Variants in LOC128462377 observed in about 807,000 individuals in gnomAD.
chr16:89,333,687 A>T, the LOC128462377 span, among the ~76,000 whole-genome samples: 1 of 152,154 alleles, frequency 6.6e-6, no homozygotes, highest in African/African-American at 2.4e-5. Context: ...GCCTTGTAAT[A>T]GTCTGTCGTC....
At chr16:89,408,213 TGA>T in the LOC128462377 span, among the ~76,000 whole-genome samples, 2 of 152,214 alleles carry the variant, frequency 1.3e-5, no homozygotes, top group Non-Finnish European at 2.9e-5. Context: ...AGAAACTCCC[TGA>T]GAGAGCTCAC....
the LOC128462377 span, among the ~76,000 whole-genome samples, chr16:89,356,537 C>G: frequency 2.0e-5 from 3 of 150,484 alleles, no homozygotes; most frequent in Non-Finnish European, 4.4e-5. Context: ...TTTGGGAGGC[C>G]GAGGCGGGCG....
the LOC128462377 span, among the ~76,000 whole-genome samples, chr16:89,333,322 C>A: frequency 6.6e-6 from 1 of 152,202 alleles, no homozygotes; most frequent in Admixed American, 6.5e-5. Context: ...GCTCAGCATC[C>A]CCACGAGAGT....
At chr16:89,386,703 A>C in the LOC128462377 span, among the ~76,000 whole-genome samples, 1 of 152,248 alleles carries the variant, frequency 6.6e-6, no homozygotes, top group South Asian at 2.1e-4. Flanking sequence ...AGACACGCTT[A>C]TAAGCTACTC....
the LOC128462377 span, among the ~76,000 whole-genome samples, chr16:89,408,911 G>A: frequency 6.6e-6 from 1 of 152,208 alleles, no homozygotes; most frequent in African/African-American, 2.4e-5. Context: ...ACAGACCTTA[G>A]GAGTTACTGG....
chr16:89,319,531 TG>T, the LOC128462377 span, among the ~76,000 whole-genome samples: 2 of 152,340 alleles, frequency 1.3e-5, no homozygotes, highest in South Asian at 4.1e-4. Flanking sequence ...ATCCAGGCCG[TG>T]GCCCTTCCAG....
At chr16:89,408,208 C>T in the LOC128462377 span, among the ~76,000 whole-genome samples, 3 of 152,210 alleles carry the variant, frequency 2.0e-5, no homozygotes, top group African/African-American at 7.2e-5. Context: ...GGCCAAGAAA[C>T]TCCCTGAGAG....
At chr16:89,383,761 G>A in the LOC128462377 span, among the ~76,000 whole-genome samples, 9 of 152,064 alleles carry the variant, frequency 5.9e-5, no homozygotes, top group Admixed American at 1.3e-4. Context: ...AGCAGCAGAC[G>A]GAAAGCCAAG....
chr16:89,348,414 A>C, the LOC128462377 span, among the ~76,000 whole-genome samples: 1 of 152,164 alleles, frequency 6.6e-6, no homozygotes, highest in Non-Finnish European at 1.5e-5. Flanking sequence ...AATTTACATC[A>C]GTATTAATGT....
At chr16:89,341,413 G>A in the LOC128462377 span, among the ~76,000 whole-genome samples, 3 of 152,322 alleles carry the variant, frequency 2.0e-5, no homozygotes, top group East Asian at 3.9e-4. Context: ...AGGCCCCAAC[G>A]TGAACAGACC....
chr16:89,380,931 A>G, the LOC128462377 span, among the ~76,000 whole-genome samples: 19 of 152,174 alleles, frequency 1.2e-4, no homozygotes, highest in Middle Eastern at 3.2e-3. Flanking sequence ...CGGAGCACGC[A>G]TCCCTGCTTC....
chr16:89,320,577 G>A, the LOC128462377 span, among the ~76,000 whole-genome samples: 30 of 152,282 alleles, frequency 2.0e-4, no homozygotes, highest in African/African-American at 6.0e-4. Flanking sequence ...GATGGCAACC[G>A]TCCCAGCTTC....
chr16:89,360,927 C>T, the LOC128462377 span, among the ~76,000 whole-genome samples: 2 of 152,170 alleles, frequency 1.3e-5, no homozygotes, highest in Non-Finnish European at 2.9e-5. Flanking sequence ...CTGCACTGAG[C>T]CTGTGTCGGG....
At chr16:89,349,362 C>T in the LOC128462377 span, among the ~76,000 whole-genome samples, 2 of 151,674 alleles carry the variant, frequency 1.3e-5, no homozygotes, top group East Asian at 3.9e-4. Context: ...CGCCTGTAGT[C>T]CCAGCTACTT....
the LOC128462377 span, among the ~76,000 whole-genome samples, chr16:89,326,081 T>C: frequency 6.6e-6 from 1 of 152,206 alleles, no homozygotes; most frequent in Non-Finnish European, 1.5e-5. Flanking sequence ...AAAATGCTTC[T>C]TTTACACAGA....
chr16:89,368,371 GTTTTTTTT>G, the LOC128462377 span, among the ~76,000 whole-genome samples: 11 of 56,596 alleles, frequency 1.9e-4, no homozygotes, highest in African/African-American at 3.9e-4. Context: ...TAATTTTTGT[GTTTTTTTT>G]TTTTTTTTTT....
the LOC128462377 span, among the ~76,000 whole-genome samples, chr16:89,387,278 G>A: frequency 1.3e-5 from 2 of 151,852 alleles, no homozygotes; most frequent in Non-Finnish European, 2.9e-5. Context: ...TGGTGGGAGT[G>A]CCCCTCGAAC....
At chr16:89,376,838 A>C in the LOC128462377 span, among the ~76,000 whole-genome samples, 1 of 152,226 alleles carries the variant, frequency 6.6e-6, no homozygotes, top group Non-Finnish European at 1.5e-5. Flanking sequence ...GAGCACTGGG[A>C]TAGAAGGCAA....
chr16:89,334,144 T>TAAAAAAAAAAAAAAAAAAAAA, the LOC128462377 span, among the ~76,000 whole-genome samples: 5 of 41,416 alleles, frequency 1.2e-4, no homozygotes, highest in African/African-American at 4.8e-4. Flanking sequence ...CCCTGTGTTT[T>TAAAAAAAAAAAAAAAAAAAAA]AAAAAAAAAA....
Sources: gnomAD v4.1 joint callset for allele counts (sites outside exome capture counted in the v4.1 genomes callset) on GRCh38, gnomAD v4.1.1 for gene constraint, MANE v1.5 for transcripts.